The following HIRA variants were observed in gnomAD, a reference collection of about 807,000 sequenced individuals.
HIRA encodes the protein protein HIRA.
A neutral mutation model predicts 126.6 loss-of-function variants in HIRA; 13 were observed. The ratio of observed to expected loss-of-function variants is 0.10; its 90% CI spans 0.07 to 0.16. The LOEUF is 0.16. HIRA is among the 10% of genes least tolerant of loss of function. The pLI is 1.00. For synonymous variants in HIRA, 511 were observed against 520.0 expected, an observed-to-expected ratio of 0.98 and a Z score of 0.24; for missense variants, 834 against 1,314.4, an observed-to-expected ratio of 0.63 and a Z score of 5.65.
chr22:19,356,117 C>G, intron 20 of HIRA, 113 bp downstream of exon 20: 1 of 1,026,944 alleles, frequency 9.7e-7, no homozygotes, highest in African/African-American at 1.6e-5. Flanking sequence ...TCCTGCCTCA[C>G]TGAGAGCCCT....
rs188790776 is a variant in HIRA, at chr22:19,333,959, T to C, written c.2938-2403A>G. On this transcript the variant is annotated intron_variant, in intron 24 of 24. Transcript: ENST00000263208. ...CTCTTTTTTTGGAATTTCTATCTCC[T>C]TGTTGATACTCTCATTTTCTTTTTT... is the stretch of plus-strand genomic sequence containing the variant. Among the ~76,000 whole-genome samples, 15 of 152,198 alleles carry C rather than the reference T, an allele frequency of 9.9e-5. No individual in the cohort carries two copies. The East Asian group carries it at 2.1e-3, about 22-fold the overall frequency.
intron 24 of HIRA, among the ~76,000 whole-genome samples, chr22:19,334,556 G>C (rs1470204573): frequency 6.6e-6 from 1 of 151,368 alleles, no homozygotes; most frequent in Non-Finnish European, 1.5e-5. Context: ...GGAGGCTGAG[G>C]CGGCTGGATC....
intron 15 of HIRA, among the ~76,000 whole-genome samples, chr22:19,367,998 A>G (rs1397435412): frequency 6.6e-6 from 1 of 152,168 alleles, no homozygotes; most frequent in African/African-American, 2.4e-5. Context: ...GCTGTGTTAA[A>G]CATCTCTAAA....
At chr22:19,389,083 G>A (rs971475797) in intron 9 of HIRA, among the ~76,000 whole-genome samples, 7 of 152,176 alleles carry the variant, frequency 4.6e-5, no homozygotes, top group Non-Finnish European at 5.9e-5. Flanking sequence ...TCTGGGCCTA[G>A]TTACCGACTA....
At chr22:19,367,880 G>A (rs555105732) in intron 15 of HIRA, among the ~76,000 whole-genome samples, 1 of 152,286 alleles carries the variant, frequency 6.6e-6, no homozygotes, top group East Asian at 1.9e-4. Flanking sequence ...ATACAGAGGG[G>A]CGCCTGTACT....
At chr22:19,331,926 G>A (rs571197240) in intron 24 of HIRA, among the ~76,000 whole-genome samples, 1 of 152,344 alleles carries the variant, frequency 6.6e-6, no homozygotes, top group South Asian at 2.1e-4. Context: ...GTTCCCTCAT[G>A]CTGATGTTTG....
chr22:19,394,132 T>C (rs1418095056), intron 8 of HIRA, among the ~76,000 whole-genome samples: 5 of 152,208 alleles, frequency 3.3e-5, no homozygotes, highest in South Asian at 2.1e-4. Context: ...CCTGAGTGTG[T>C]AAAAGGCTGA....
chr22:19,407,783 A>G (rs992898903), intron 3 of HIRA, among the ~76,000 whole-genome samples: 12 of 152,202 alleles, frequency 7.9e-5, no homozygotes, highest in Non-Finnish European at 8.8e-5. Context: ...CCAGCACTGC[A>G]GATTGACTGA....
intron 5 of HIRA, among the ~76,000 whole-genome samples, chr22:19,401,774 A>C (rs2089270431): frequency 6.6e-6 from 1 of 151,934 alleles, no homozygotes; most frequent in Non-Finnish European, 1.5e-5. Flanking sequence ...CCAAACCACC[A>C]TTGTCTCTCC....
chr22:19,417,017 T>C (rs1281524220), intron 1 of HIRA, among the ~76,000 whole-genome samples: 1 of 151,666 alleles, frequency 6.6e-6, no homozygotes, highest in Non-Finnish European at 1.5e-5. Context: ...CTGGCCAACA[T>C]GGTGAAACCC....
chr22:19,379,064 G>A (rs1569300845), intron 13 of HIRA, among the ~76,000 whole-genome samples: 1 of 149,756 alleles, frequency 6.7e-6, no homozygotes, highest in South Asian at 2.1e-4. Flanking sequence ...AGTCTCTCCC[G>A]CCGCCCAGGC....
intron 7 of HIRA, among the ~76,000 whole-genome samples, chr22:19,395,669 G>T (rs949373867): frequency 6.6e-6 from 1 of 152,078 alleles, no homozygotes; most frequent in Non-Finnish European, 1.5e-5. Context: ...TGTGTCCCTC[G>T]CTCTGTGAAG....
chr22:19,396,480 C>T (rs1420562552), intron 7 of HIRA, among the ~76,000 whole-genome samples: 1 of 152,240 alleles, frequency 6.6e-6, no homozygotes, highest in African/African-American at 2.4e-5. Flanking sequence ...CGTGCCACTG[C>T]ACTCTAGCCT....
intron 23 of HIRA, 37 bp downstream of exon 23, chr22:19,353,319 G>C (rs2088777120): frequency 1.2e-6 from 2 of 1,610,968 alleles, no homozygotes; most frequent in Admixed American, 3.3e-5. Flanking sequence ...TGGAGGGGCA[G>C]AAGGAGAAGG....
At chr22:19,341,612 A>G (rs1242694308) in intron 24 of HIRA, among the ~76,000 whole-genome samples, 9 of 152,194 alleles carry the variant, frequency 5.9e-5, no homozygotes, top group African/African-American at 2.2e-4. Flanking sequence ...CAAACAGACC[A>G]ATGGAACAGA....
chr22:19,388,113 T>TA (rs138179814), intron 10 of HIRA, among the ~76,000 whole-genome samples: 3 of 151,958 alleles, frequency 2.0e-5, no homozygotes, highest in Non-Finnish European at 4.4e-5. Context: ...ACTATTAAAA[T>TA]AAAAAAAACT....
intron 10 of HIRA, 140 bp downstream of exon 10, chr22:19,388,344 C>T (rs1420922015): frequency 3.2e-6 from 2 of 628,336 alleles, no homozygotes; most frequent in East Asian, 5.5e-5. Context: ...CACGTGCAAA[C>T]AGCACTCTTG....
chr22:19,347,667 G>A (rs918575481), intron 24 of HIRA, among the ~76,000 whole-genome samples: 2 of 151,984 alleles, frequency 1.3e-5, no homozygotes, highest in Admixed American at 6.6e-5. Flanking sequence ...GGTTGGGAGC[G>A]GTGGCTCATG....
At chr22:19,386,174 T>C (rs1489311270) in intron 11 of HIRA, among the ~76,000 whole-genome samples, 1 of 152,206 alleles carries the variant, frequency 6.6e-6, no homozygotes, top group Non-Finnish European at 1.5e-5. Flanking sequence ...CCATAAGCCC[T>C]GTGGTTGGAA....
Sources: allele counts gnomAD v4.1 joint callset (sites outside exome capture counted in the v4.1 genomes callset), GRCh38; gene constraint gnomAD v4.1.1; transcripts MANE v1.5; gene names NCBI Gene and HGNC (gene_info 2026-07-23, HGNC 2026-07-21).